The following CNTN5 variants were observed in gnomAD, a reference collection of about 807,000 sequenced individuals.
CNTN5 encodes contactin-5.
Under a neutral mutation model 129.1 loss-of-function variants are expected in CNTN5, and 77 were observed. The observed-to-expected ratio is 0.60, with a 90% confidence interval of 0.50 to 0.72. CNTN5 has a LOEUF of 0.72. Ranked by LOEUF, CNTN5 falls within the 30% of genes least tolerant of loss-of-function variation. The pLI is 0.00. For missense variants in CNTN5, 1,478 were observed against 1,328.8 expected (o/e 1.11, Z -1.75); for synonymous variants, 509 against 465.6 (o/e 1.09, Z -1.20).
At chr11:99,772,011 G>A (rs1021826014) in intron 3 of CNTN5, among the ~76,000 whole-genome samples, 3 of 151,202 alleles carry the variant, frequency 2.0e-5, no homozygotes, top group Non-Finnish European at 3.0e-5. Context: ...GGCACTGAGG[G>A]AGTCTATAAA....
chr11:99,545,961 A>C (rs1052202974), intron 2 of CNTN5, among the ~76,000 whole-genome samples: 2 of 151,910 alleles, frequency 1.3e-5, no homozygotes, highest in Admixed American at 1.3e-4. Context: ...TGTTCTCTTA[A>C]ATTCTTCAAC....
chr11:99,703,427 G>A (rs986956390), intron 3 of CNTN5, among the ~76,000 whole-genome samples: 10 of 150,210 alleles, frequency 6.7e-5, no homozygotes, highest in African/African-American at 2.2e-4. Flanking sequence ...TTGCATAAAT[G>A]TTTCTATGAA....
chr11:100,012,034 T>G (rs1475337816), intron 9 of CNTN5, among the ~76,000 whole-genome samples: 1 of 152,186 alleles, frequency 6.6e-6, no homozygotes, highest in Non-Finnish European at 1.5e-5. Context: ...ATTGGAGTTA[T>G]GTGGTATTTG....
chr11:99,725,701 T>C (rs185892690), intron 3 of CNTN5, among the ~76,000 whole-genome samples: 2 of 152,314 alleles, frequency 1.3e-5, no homozygotes, highest in Admixed American at 6.5e-5. Context: ...TAGAACAGAT[T>C]CCTGTAGTGT....
chr11:99,888,872 A>T (rs1202686819), intron 6 of CNTN5, among the ~76,000 whole-genome samples: 1 of 152,232 alleles, frequency 6.6e-6, no homozygotes, highest in East Asian at 1.9e-4. Context: ...GGCAAATTTA[A>T]TTTCTCTAAG....
At chr11:99,670,656 A>G (rs542906301) in intron 3 of CNTN5, among the ~76,000 whole-genome samples, 1 of 152,262 alleles carries the variant, frequency 6.6e-6, no homozygotes, top group South Asian at 2.1e-4. Context: ...AGCCAGACCG[A>G]GTAGAGGAGA....
chr11:99,158,302 TC>T (rs1481219402), intron 1 of CNTN5, among the ~76,000 whole-genome samples: 1 of 152,184 alleles, frequency 6.6e-6, no homozygotes, highest in Non-Finnish European at 1.5e-5. Context: ...AACCATAGGG[TC>T]TTTGCAAGTA....
intron 6 of CNTN5, among the ~76,000 whole-genome samples, chr11:99,868,486 A>C (rs1043043071): frequency 2.6e-5 from 4 of 152,204 alleles, no homozygotes; most frequent in Non-Finnish European, 4.4e-5. Flanking sequence ...TTCCTGGGTA[A>C]CAAGTAGGAA....
At chr11:99,888,855 G>C (rs1169182239) in intron 6 of CNTN5, among the ~76,000 whole-genome samples, 11 of 152,226 alleles carry the variant, frequency 7.2e-5, no homozygotes. Flanking sequence ...ATTACTGCGT[G>C]ACGCAGGGCA....
intron 2 of CNTN5, among the ~76,000 whole-genome samples, chr11:99,508,412 A>C (rs1370596163): frequency 6.6e-6 from 1 of 152,102 alleles, no homozygotes; most frequent in Non-Finnish European, 1.5e-5. Context: ...ACCCGTGGAC[A>C]CAGAGGGCCG....
chr11:99,763,948 T>A (rs1227806382), intron 3 of CNTN5, among the ~76,000 whole-genome samples: 1 of 152,066 alleles, frequency 6.6e-6, no homozygotes, highest in African/African-American at 2.4e-5. Flanking sequence ...AAAGAGCTTG[T>A]TCACATATTT....
At chr11:99,345,256 C>T (rs1166339205) in intron 2 of CNTN5, among the ~76,000 whole-genome samples, 3 of 152,050 alleles carry the variant, frequency 2.0e-5, no homozygotes, top group African/African-American at 7.2e-5. Context: ...TATATTAGCG[C>T]TCAGTATTGT....
intron 1 of CNTN5, among the ~76,000 whole-genome samples, chr11:99,259,982 T>C (rs760771827): frequency 6.6e-6 from 1 of 151,728 alleles, no homozygotes; most frequent in Non-Finnish European, 1.5e-5. Flanking sequence ...CCTTGTCAAT[T>C]TGTAAGTCCT....
At chr11:100,115,654 C>T (rs1345630771) in intron 13 of CNTN5, among the ~76,000 whole-genome samples, 3 of 151,858 alleles carry the variant, frequency 2.0e-5, no homozygotes, top group Non-Finnish European at 2.9e-5. Context: ...ACCATATGCT[C>T]AGTTTATAGC....
intron 6 of CNTN5, among the ~76,000 whole-genome samples, chr11:99,856,641 A>C (rs1948044029): frequency 6.6e-6 from 1 of 152,070 alleles, no homozygotes; most frequent in Non-Finnish European, 1.5e-5. Flanking sequence ...GAACACATTG[A>C]TCACATAGTG....
At chr11:99,419,796 T>C (rs1314113764) in intron 2 of CNTN5, among the ~76,000 whole-genome samples, 1 of 152,186 alleles carries the variant, frequency 6.6e-6, no homozygotes, top group Non-Finnish European at 1.5e-5. Context: ...TCTATTGTGG[T>C]ATTTTCTTAC....
chr11:99,538,188 TA>T (rs1302867491), intron 2 of CNTN5, among the ~76,000 whole-genome samples: 3 of 152,196 alleles, frequency 2.0e-5, no homozygotes, highest in Non-Finnish European at 4.4e-5. Flanking sequence ...GTGGAACTGA[TA>T]AACTCTTCCC....
chr11:99,824,282 C>G (rs569781718), intron 4 of CNTN5, among the ~76,000 whole-genome samples: 1 of 152,014 alleles, frequency 6.6e-6, no homozygotes, highest in Non-Finnish European at 1.5e-5. Flanking sequence ...ACATTGTCAC[C>G]AACATAAAAT....
chr11:99,210,096 G>C (rs1859690320), intron 1 of CNTN5, among the ~76,000 whole-genome samples: 1 of 152,112 alleles, frequency 6.6e-6, no homozygotes, highest in South Asian at 2.1e-4. Flanking sequence ...TTTTAGAAAG[G>C]TTTTAGATTT....
Sources: gnomAD v4.1 joint callset for allele counts (sites outside exome capture counted in the v4.1 genomes callset) on GRCh38, gnomAD v4.1.1 for gene constraint, MANE v1.5 for transcripts, NCBI Gene and HGNC (gene_info 2026-07-23, HGNC 2026-07-21) for gene names.